The following FMNL2 variants were observed in gnomAD, a reference collection of about 807,000 sequenced individuals.
The protein encoded by FMNL2 is formin like 2, also known as formin-like protein 2.
Under a neutral mutation model 130.2 loss-of-function variants are expected in FMNL2, and 51 were observed. The observed-to-expected ratio is 0.39, with a 90% CI of 0.31 to 0.49. FMNL2 has a LOEUF of 0.49. Ranked by LOEUF, FMNL2 falls within the 20% of genes least tolerant of loss-of-function variation. FMNL2 has a pLI of 0.85. For missense variants in FMNL2, 977 were observed against 1,316.2 expected (o/e 0.74, Z 3.99); for synonymous variants, 465 against 467.1 (o/e 1.00, Z 0.06).
intron 9 of FMNL2, among the ~76,000 whole-genome samples, chr2:152,591,532 G>A (rs1402437242): frequency 6.6e-6 from 1 of 152,250 alleles, no homozygotes; most frequent in African/African-American, 2.4e-5. Flanking sequence ...CAGGCCAGGC[G>A]CAACGGCTCA....
At chr2:152,374,919 G>A (rs1202278586) in intron 1 of FMNL2, among the ~76,000 whole-genome samples, 3 of 152,154 alleles carry the variant, frequency 2.0e-5, no homozygotes, top group African/African-American at 4.8e-5. Context: ...GTGTGAGTTC[G>A]TGGTATGTAT....
At chr2:152,364,128 C>T (rs1683348252) in intron 1 of FMNL2, among the ~76,000 whole-genome samples, 1 of 151,976 alleles carries the variant, frequency 6.6e-6, no homozygotes, top group South Asian at 2.1e-4. Flanking sequence ...TAATTACAGA[C>T]AAGTGAGTTG....
At chr2:152,491,855 G>A (rs977064576) in intron 1 of FMNL2, among the ~76,000 whole-genome samples, 6 of 152,130 alleles carry the variant, frequency 3.9e-5, no homozygotes, top group African/African-American at 1.4e-4. Flanking sequence ...GGGGGTTGAG[G>A]CAGGAGAATC....
intron 15 of FMNL2, chr2:152,622,543 C>T (rs1272080107): frequency 6.6e-6 from 3 of 456,548 alleles, no homozygotes; most frequent in Non-Finnish European, 8.8e-6. Flanking sequence ...AAAGATGGGC[C>T]AATCAAGCTT....
chr2:152,381,300 A>G (rs1373549432), intron 1 of FMNL2, among the ~76,000 whole-genome samples: 4 of 152,182 alleles, frequency 2.6e-5, no homozygotes, highest in Non-Finnish European at 5.9e-5. Context: ...CTGCCATGGC[A>G]TATTTCATAC....
rs757107975 is a variant in FMNL2, at chr2:152,542,813, C to A, written c.276C>A (p.Thr92=). Reference sequence around the variant, plus strand: ...AAGGCTATCTGGATCCAGCTGTAACCAGGAAGGTAAGATGGATTTGTTTCC... The same window carrying A: ...AAGGCTATCTGGATCCAGCTGTAACAAGGAAGGTAAGATGGATTTGTTTCC... ...KLKGYLDPAV[T]RKKFRRRVQE... is the part of the protein sequence containing the mutation. Residue 92 remains threonine (T), a synonymous_variant, in exon 3 of 26, where the codon ACC becomes ACA. Transcript: ENST00000288670. 1.2e-6 allele frequency: 2 copies of A among 1,613,780 alleles called. No homozygotes were observed. Among genetic ancestry groups the A allele is most frequent in the South Asian group, 2.2e-5 (2 of 91,064 alleles).
chr2:152,601,574 T>C (rs1017685693), intron 9 of FMNL2, among the ~76,000 whole-genome samples: 4 of 151,904 alleles, frequency 2.6e-5, no homozygotes, highest in African/African-American at 9.7e-5. Flanking sequence ...GTGCTGGGAT[T>C]ACAGGCATGA....
intron 1 of FMNL2, among the ~76,000 whole-genome samples, chr2:152,336,720 G>T (rs543324296): frequency 5.3e-5 from 8 of 152,230 alleles, no homozygotes; most frequent in African/African-American, 1.9e-4. Flanking sequence ...CTCTTCTAAG[G>T]GATGTTGGGA....
chr2:152,630,684 T>G (rs1158153895), intron 20 of FMNL2, among the ~76,000 whole-genome samples: 1 of 152,162 alleles, frequency 6.6e-6, no homozygotes, highest in African/African-American at 2.4e-5. Context: ...CAGATCATGA[T>G]CAGTTAAGCA....
intron 1 of FMNL2, among the ~76,000 whole-genome samples, chr2:152,402,066 C>A (rs953427123): frequency 6.6e-6 from 1 of 151,882 alleles, no homozygotes; most frequent in Non-Finnish European, 1.5e-5. Context: ...TGCCACCCAG[C>A]TAATTTTTTG....
At chr2:152,578,989 G>A in intron 8 of FMNL2, 25 bp downstream of exon 8, 1 of 1,590,246 alleles carries the variant, frequency 6.3e-7, no homozygotes, top group Non-Finnish European at 8.6e-7. Context: ...TAGTACGCAA[G>A]TCTAAATCTA....
At chr2:152,601,876 G>A in intron 9 of FMNL2, among the ~76,000 whole-genome samples, 1 of 151,702 alleles carries the variant, frequency 6.6e-6, no homozygotes. Flanking sequence ...CACCCTGTTG[G>A]CCAGGCTGGT....
chr2:152,455,189 A>G (rs1688885102), intron 1 of FMNL2, among the ~76,000 whole-genome samples: 1 of 152,176 alleles, frequency 6.6e-6, no homozygotes, highest in Non-Finnish European at 1.5e-5. Context: ...CACCAGCACC[A>G]GAAGGCAGAC....
At chr2:152,567,877 C>G (rs113518505) in intron 6 of FMNL2, among the ~76,000 whole-genome samples, 1 of 151,914 alleles carries the variant, frequency 6.6e-6, no homozygotes, top group Non-Finnish European at 1.5e-5. Context: ...TTTTTGTCAG[C>G]GAGAAAATAT....
At chr2:152,613,236 C>A (rs1327880063) in intron 11 of FMNL2, among the ~76,000 whole-genome samples, 1 of 152,170 alleles carries the variant, frequency 6.6e-6, no homozygotes, top group Non-Finnish European at 1.5e-5. Flanking sequence ...GTTTGTCTAT[C>A]CCTTTTTCTC....
In FMNL2 at chr2:152,616,019, A is replaced by G. The variant is rs935173890; in HGVS notation, c.1212+1019A>G. On this transcript the variant is annotated intron_variant, in intron 12 of 25. Coordinates refer to ENST00000288670, the MANE Select transcript of FMNL2 (RefSeq NM_052905.4). Reference sequence around the variant, plus strand: ...AAAAAGAGAATTTTACAGGCCCAGTATATCTTCCCTTAGAAGATTTGTGTT... The same window carrying G: ...AAAAAGAGAATTTTACAGGCCCAGTGTATCTTCCCTTAGAAGATTTGTGTT... Among the ~76,000 whole-genome samples, 13 of 152,292 alleles carry G rather than the reference A, an allele frequency of 8.5e-5. No individual in the cohort carries two copies. The East Asian group carries it at 2.3e-3, about 27-fold the overall frequency.
intron 9 of FMNL2, among the ~76,000 whole-genome samples, chr2:152,588,533 G>A (rs1697211191): frequency 6.6e-6 from 1 of 152,052 alleles, no homozygotes; most frequent in African/African-American, 2.4e-5. Context: ...ATTGTATAAG[G>A]CAGCATAGTC....
chr2:152,500,018 A>G (rs917011923), intron 1 of FMNL2, among the ~76,000 whole-genome samples: 2 of 152,152 alleles, frequency 1.3e-5, no homozygotes, highest in Non-Finnish European at 2.9e-5. Context: ...GTCTGGAGAT[A>G]GAGCATTGAC....
At chr2:152,645,599 G>A in intron 25 of FMNL2, 3 of 949,036 alleles carry the variant, frequency 3.2e-6, no homozygotes, top group Middle Eastern at 5.0e-4. Context: ...CTATGGCTGA[G>A]GGTAATACTG....
Sources: gnomAD v4.1 joint callset for allele counts (sites outside exome capture counted in the v4.1 genomes callset) on GRCh38, gnomAD v4.1.1 for gene constraint, MANE v1.5 for transcripts, NCBI Gene and HGNC (gene_info 2026-07-23, HGNC 2026-07-21) for gene names.